The following MYO1E variants were observed in gnomAD, a reference collection of about 807,000 sequenced individuals.
MYO1E encodes the protein unconventional myosin-Ie.
In MYO1E, 68 loss-of-function variants were observed where a neutral mutation model predicts 151.1. The ratio of observed to expected loss-of-function variants is 0.45; its 90% CI spans 0.37 to 0.55. MYO1E has a LOEUF of 0.55. MYO1E is among the 20% of genes least tolerant of loss of function. The pLI, the probability that MYO1E is intolerant of heterozygous loss-of-function variation, is 0.00. For missense variants in MYO1E, 1,363 were observed against 1,389.3 expected (o/e 0.98, Z 0.30); for synonymous variants, 601 against 501.7 (o/e 1.20, Z -2.64).
intron 26 of MYO1E, among the ~76,000 whole-genome samples, chr15:59,142,610 T>C (rs1247886211): frequency 2.0e-5 from 3 of 152,252 alleles, no homozygotes; most frequent in East Asian, 1.9e-4. Context: ...TGAAAATCTT[T>C]CTAACAGCTT....
rs1054162768 is a variant in MYO1E at position 59,139,875 on chromosome 15, C to A, written c.3081-1508G>T. 1.4e-4 allele frequency among the ~76,000 whole-genome samples: 19 copies of A among 136,118 alleles called. 1 individual carries two copies. The highest frequency in any genetic ancestry group is 2.8e-4 in the Non-Finnish European group (18 of 64,076). 89.3% of individuals were successfully genotyped at this position (136,118 alleles called of 152,430 possible). On this transcript the variant is annotated intron_variant, in intron 26 of 27. Transcript: ENST00000288235. ...TCCCTCCCACCCCCTCATTATTAATCCACAGACTTCCCTCTCATTTTATCA... is the reference window on the plus strand; with the variant it reads ...TCCCTCCCACCCCCTCATTATTAATACACAGACTTCCCTCTCATTTTATCA...
intron 25 of MYO1E, among the ~76,000 whole-genome samples, chr15:59,156,843 T>C (rs2079512120): frequency 6.6e-6 from 1 of 152,222 alleles, no homozygotes; most frequent in Admixed American, 6.5e-5. Flanking sequence ...TTGCAAGCAT[T>C]CTGCAAACAC....
intron 2 of MYO1E, 191 bp downstream of exon 2, chr15:59,272,115 G>GTTTTTA: frequency 1.6e-6 from 1 of 609,116 alleles, no homozygotes; most frequent in South Asian, 2.0e-5. Context: ...CACAAGTTCA[G>GTTTTTA]TTTTTATTTT....
In MYO1E at chr15:59,261,411, G is replaced by T. The variant is rs201078482; in HGVS notation, c.237+9C>A. On this transcript the variant is annotated intron_variant, in intron 3 of 27. Transcript: ENST00000288235. Reference sequence around the variant, plus strand: ...AATAAGGCAGTAATTTATGTGACACGTAACTTACCGCTCCTTGGTACATTT... The same window carrying T: ...AATAAGGCAGTAATTTATGTGACACTTAACTTACCGCTCCTTGGTACATTT... 3 of 1,588,396 alleles carry T rather than the reference G, an allele frequency of 1.9e-6. No homozygotes were observed. The highest frequency in any genetic ancestry group is 1.7e-6 in the Non-Finnish European group (2 of 1,156,956).
chr15:59,367,822 T>C (rs1279925335), intron 1 of MYO1E, among the ~76,000 whole-genome samples: 1 of 152,086 alleles, frequency 6.6e-6, no homozygotes, highest in African/African-American at 2.4e-5. Context: ...TCAAATCACA[T>C]ATAAAAATTG....
intron 1 of MYO1E, among the ~76,000 whole-genome samples, chr15:59,342,298 G>A (rs1369479700): frequency 2.6e-5 from 4 of 151,968 alleles, no homozygotes; most frequent in South Asian, 2.1e-4. Context: ...TGGAAAGTTT[G>A]CAAATATTTT....
chr15:59,318,462 A>C (rs750656845), intron 1 of MYO1E, among the ~76,000 whole-genome samples: 1 of 152,238 alleles, frequency 6.6e-6, no homozygotes, highest in Non-Finnish European at 1.5e-5. Context: ...GCAAGTGGTC[A>C]TGAGAACTGG....
intron 1 of MYO1E, among the ~76,000 whole-genome samples, chr15:59,291,425 G>C (rs1476112441): frequency 6.6e-6 from 1 of 152,162 alleles, no homozygotes; most frequent in South Asian, 2.1e-4. Flanking sequence ...GTTGGTGTTT[G>C]TTGGAGGCTG....
At chr15:59,309,106 C>T (rs1418152902) in intron 1 of MYO1E, among the ~76,000 whole-genome samples, 1 of 151,780 alleles carries the variant, frequency 6.6e-6, no homozygotes, top group African/African-American at 2.4e-5. Context: ...AGAGTGAGAC[C>T]TTGTCTCTAA....
At chr15:59,347,254 C>T (rs913484837) in intron 1 of MYO1E, among the ~76,000 whole-genome samples, 24 of 152,178 alleles carry the variant, frequency 1.6e-4, no homozygotes, top group Admixed American at 1.2e-3. Flanking sequence ...ACCGAATATA[C>T]GCAGGATCCA....
intron 9 of MYO1E, 64 bp downstream of exon 9, chr15:59,222,995 C>T: frequency 1.2e-6 from 2 of 1,604,752 alleles, no homozygotes; most frequent in South Asian, 2.2e-5. Context: ...AAGGAAAGTG[C>T]TAGGTTACTT....
At chr15:59,212,614 CTTTCT>C (rs1458691898) in intron 12 of MYO1E, 1 of 152,066 alleles carries the variant, frequency 6.6e-6, no homozygotes, top group African/African-American at 2.4e-5. Context: ...ACAATGGTGT[CTTTCT>C]TTTCTTTTTC....
chr15:59,208,776 G>A lies in MYO1E; in HGVS notation c.1435C>T (p.Gln479Ter). 6.2e-7 allele frequency: 1 copy of A among 1,614,186 alleles called. No individual in the cohort carries two copies. The highest frequency in any genetic ancestry group is 8.5e-7 in the Non-Finnish European group (1 of 1,180,032). ...TMHAVGEGAD[Q>*]TLLQKLQMQI... is the part of the protein sequence containing the mutation. ...ATCTGAAGTTTCTGGAGCAGCGTCT[G>A]ATCTGCCCCCTCACCCACCGCATGC... Residue 479 changes from glutamine to a stop codon, truncating the protein, a stop_gained, in exon 14 of 28, where the codon CAG becomes TAG. Transcript: ENST00000288235. LOFTEE classifies it high-confidence loss of function.
At chr15:59,287,412 C>G (rs2080393665) in intron 1 of MYO1E, among the ~76,000 whole-genome samples, 1 of 152,194 alleles carries the variant, frequency 6.6e-6, no homozygotes, top group African/African-American at 2.4e-5. Flanking sequence ...GTTCAATCAG[C>G]AAGCTCTAGA....
chr15:59,158,153 C>A, intron 25 of MYO1E, 134 bp downstream of exon 25: 1 of 802,892 alleles, frequency 1.2e-6, no homozygotes, highest in Non-Finnish European at 2.1e-6. Flanking sequence ...CTGTGTTGTA[C>A]ATGTGGCACT....
chr15:59,144,747 C>T (rs1325801114), intron 26 of MYO1E, among the ~76,000 whole-genome samples: 6 of 152,210 alleles, frequency 3.9e-5, no homozygotes, highest in Non-Finnish European at 7.3e-5. Flanking sequence ...TTGGTGGGAA[C>T]AGCCATTTTC....
At position 59,220,791 on chromosome 15, in the gene MYO1E, G is replaced by A. The variant is rs190286164; in HGVS notation, c.910+2268C>T. Among the ~76,000 whole-genome samples the A allele has an allele frequency of 1.4e-3, 206 of 151,556 alleles. 1 individual carries two copies. The highest frequency in any genetic ancestry group is 4.8e-3 in the African/African-American group (199 of 41,310). On this transcript the variant is annotated intron_variant, in intron 9 of 27. Transcript: ENST00000288235. The stretch of plus-strand genomic sequence containing the variant: ...GTGTAGCCAATGAATGGAATGCTAT[G>A]CAGCTACAAAAAGGACAGCCAGGTG...
intron 14 of MYO1E, chr15:59,207,859 G>C (rs776135267): frequency 6.2e-7 from 1 of 1,614,122 alleles, no homozygotes; most frequent in South Asian, 1.1e-5. Flanking sequence ...ATCTGTGGCC[G>C]ATTTAACAGA....
In MYO1E at chr15:59,254,150, C is replaced by G. The variant is rs1397626955; in HGVS notation, c.332+2134G>C. Among the ~76,000 whole-genome samples the G allele has an allele frequency of 2.6e-5, 4 of 152,020 alleles. No homozygotes were observed. In the East Asian group the frequency reaches 7.7e-4, roughly 29 times the overall value. On this transcript the variant is annotated intron_variant, in intron 4 of 27. Coordinates refer to ENST00000288235, the MANE Select transcript of MYO1E (RefSeq NM_004998.4). ...AAGAATGATTTCTTAGAGGCACATA[C>G]TAATTATTGAGGAATAAAGGGGATC... is the stretch of plus-strand genomic sequence containing the variant.
Sources: gnomAD v4.1 joint callset for allele counts (sites outside exome capture counted in the v4.1 genomes callset) on GRCh38, gnomAD v4.1.1 for gene constraint, MANE v1.5 for transcripts, NCBI Gene and HGNC (gene_info 2026-07-23, HGNC 2026-07-21) for gene names.